Variants in TJP2 observed in about 807,000 individuals in gnomAD.
TJP2 encodes tight junction protein 2, also known as Friedreich ataxia region gene X104 (tight junction protein ZO-2).
Under a neutral mutation model 133.1 loss-of-function variants are expected in TJP2, and 91 were observed. The observed-to-expected ratio is 0.68, with a 90% CI of 0.58 to 0.81. The LOEUF (loss-of-function observed/expected upper bound fraction) is 0.81. TJP2 is among the 40% of genes least tolerant of loss of function. TJP2 has a pLI of 0.00. For synonymous variants in TJP2, 592 were observed against 583.4 expected, an observed-to-expected ratio of 1.01 and a Z score of -0.21; for missense variants, 1,541 against 1,565.6, an observed-to-expected ratio of 0.98 and a Z score of 0.26.
At chr9:69,205,230 C>T (rs1425473920) in intron 1 of TJP2, 1 of 1,537,098 alleles carries the variant, frequency 6.5e-7, no homozygotes, top group Non-Finnish European at 8.7e-7. Flanking sequence ...GATGGAAAGG[C>T]CGTGTGAGTC....
chr9:69,151,570 G>C, intron 1 of TJP2: 1 of 1,223,026 alleles, frequency 8.2e-7, no homozygotes, highest in Non-Finnish European at 1.0e-6. Context: ...TGTATGGTAT[G>C]TGGACTTCAG....
At chr9:69,237,366 C>A (rs532376258) in intron 14 of TJP2, among the ~76,000 whole-genome samples, 3 of 152,258 alleles carry the variant, frequency 2.0e-5, no homozygotes, top group South Asian at 2.1e-4. Flanking sequence ...TACCACTGTT[C>A]AAGAGTTTCG....
chr9:69,254,736 G>GT lies in TJP2; in HGVS notation c.*365dup, dbSNP rs1464027090. 1.7e-5 allele frequency: 9 copies of GT among 534,796 alleles called. No individual in the cohort carries two copies. The East Asian group carries it at 2.6e-4, about 15-fold the overall frequency. 33.1% of individuals were successfully genotyped at this position (534,796 alleles called of 1,614,324 possible). A position where few individuals can be genotyped will look rare whatever the true frequency, so the allele number is the denominator to read the frequency against. Reference sequence around the variant, plus strand: ...TCATTAATAGCTGCCTTCAAGGACTGTTTCAGTGTGAGTCAGAATGTGAAA... The same window carrying GT: ...TCATTAATAGCTGCCTTCAAGGACTGTTTTCAGTGTGAGTCAGAATGTGAAA... On this transcript the variant is annotated 3_prime_UTR_variant, in exon 23 of 23. Coordinates refer to ENST00000377245, the MANE Select transcript of TJP2 (RefSeq NM_004817.4).
intron 1 of TJP2, among the ~76,000 whole-genome samples, chr9:69,185,890 T>TC (rs1431107430): frequency 6.6e-6 from 1 of 151,372 alleles, no homozygotes; most frequent in Non-Finnish European, 1.5e-5. Flanking sequence ...CCTTTTTTTT[T>TC]TTTTTTCTTT....
intron 19 of TJP2, 99 bp from the exon 20 acceptor site, chr9:69,249,276 T>C: frequency 1.3e-6 from 2 of 1,541,160 alleles, no homozygotes; most frequent in Non-Finnish European, 1.8e-6. Context: ...CCTCAACTTC[T>C]GGACTTACTC....
chr9:69,205,011 A>G (rs2133152112), intron 1 of TJP2: 1 of 1,392,552 alleles, frequency 7.2e-7, no homozygotes, highest in Non-Finnish European at 9.3e-7. Flanking sequence ...CATCCCTGCC[A>G]TATGGATGTG....
chr9:69,202,144 T>TC (rs151068076), intron 1 of TJP2, among the ~76,000 whole-genome samples: 7,335 of 152,238 alleles, frequency 0.048, 276 homozygotes, highest in South Asian at 0.07. Flanking sequence ...AAGTTGAAGA[T>TC]CAAGGCAACA....
At chr9:69,146,671 C>T (rs1291948061) in intron 1 of TJP2, among the ~76,000 whole-genome samples, 1 of 152,072 alleles carries the variant, frequency 6.6e-6, no homozygotes, top group Non-Finnish European at 1.5e-5. Flanking sequence ...CAGTGGTTGT[C>T]AACGGGGAGG....
At chr9:69,218,405 T>G (rs1828553459) in intron 4 of TJP2, 46 bp downstream of exon 4, 1 of 1,485,278 alleles carries the variant, frequency 6.7e-7, no homozygotes, top group Admixed American at 1.7e-5. Context: ...GCATTTTGGT[T>G]TTTTGCCCAG....
chr9:69,249,259 C>T, intron 19 of TJP2, 116 bp from the exon 20 acceptor site: 1 of 1,529,650 alleles, frequency 6.5e-7, no homozygotes, highest in Admixed American at 2.0e-5. Flanking sequence ...GAAGCACCGG[C>T]TCAGAACCTC....
chr9:69,221,268 G>T lies in TJP2; in HGVS notation c.724G>T (p.Gly242Cys). Residue 242 changes from glycine to cysteine, a missense_variant, in exon 5 of 23, where the codon GGC (glycine) becomes TGC (cysteine). By Grantham distance (159) the Gly-to-Cys change is radical. Transcript: ENST00000377245. ...SRDRDRDRSR[G>C]RSIDQDYERA... The stretch of plus-strand genomic sequence containing the variant: ...GGACCGGGACCGTGACCGCAGCCGC[G>T]GCCGGAGCATTGACCAGGACTACGA... 1 of 1,608,412 alleles carries T rather than the reference G, an allele frequency of 6.2e-7. No individual in the cohort carries two copies. Among genetic ancestry groups the T allele is most frequent in the East Asian group, 2.2e-5 (1 of 44,602 alleles).
chr9:69,145,789 G>A (rs560848585), intron 1 of TJP2: 32 of 1,232,104 alleles, frequency 2.6e-5, no homozygotes, highest in African/African-American at 6.2e-5. Flanking sequence ...CCTGAGAGCA[G>A]AAGACACGTG....
Position 69,163,364 on chromosome 9 carries a change from G to A in TJP2, c.-10+11593G>A, listed in dbSNP as rs912369247. Among the ~76,000 whole-genome samples the A allele has an allele frequency of 6.6e-5, 10 of 152,078 alleles. No homozygotes were observed. In the East Asian group the frequency reaches 1.4e-3, roughly 21 times the overall value. ...TTTTAAAACATTTTTAGCTGAGTGCGGTGGCTCAGGCCTGTAATCCCTGCA... is the reference window on the plus strand; with the variant it reads ...TTTTAAAACATTTTTAGCTGAGTGCAGTGGCTCAGGCCTGTAATCCCTGCA... On this transcript the variant is annotated intron_variant, in intron 2 of 5. Transcript: ENST00000423935.
intron 2 of TJP2, among the ~76,000 whole-genome samples, chr9:69,164,260 A>G (rs886933897): frequency 6.6e-6 from 1 of 152,032 alleles, no homozygotes; most frequent in Admixed American, 6.6e-5. Context: ...CTTCAACTTT[A>G]ATCTGTGTTG....
intron 4 of TJP2, among the ~76,000 whole-genome samples, chr9:69,220,613 C>T (rs920098782): frequency 7.2e-5 from 11 of 152,164 alleles, no homozygotes; most frequent in African/African-American, 2.7e-4. Context: ...TGATTTGGGC[C>T]TCTGAGACTT....
At chr9:69,227,264 G>A (rs917007359) in intron 7 of TJP2, among the ~76,000 whole-genome samples, 6 of 152,128 alleles carry the variant, frequency 3.9e-5, no homozygotes, top group African/African-American at 1.2e-4. Context: ...CAGCATGTTA[G>A]GGGGTTTGCA....
At position 69,239,975 on chromosome 9, in the gene TJP2, G is replaced by A. The variant is rs1830472887; in HGVS notation, c.2394G>A (p.Val798=). Residue 798 remains valine, a synonymous_variant, in exon 17 of 23, where the codon GTG becomes GTA. Transcript: ENST00000377245. ...TACTGGATGTGACTCCGAAAGCTGT[G>A]GACCTGTTGAATTACACCCAGTGGT... ...HALLDVTPKA[V]DLLNYTQWFP... 2.5e-6 allele frequency: 4 copies of A among 1,613,990 alleles called. No homozygotes were observed. Among genetic ancestry groups the A allele is most frequent in the South Asian group, 1.1e-5 (1 of 91,084 alleles).
At chr9:69,133,546 C>CTTTTTTTTTTTTTTTTTT (rs10577570) in intron 1 of TJP2, among the ~76,000 whole-genome samples, 2 of 104,784 alleles carry the variant, frequency 1.9e-5, no homozygotes, top group Admixed American at 1.1e-4. Context: ...ATTTTTCTGG[C>CTTTTTTTTTTTTTTTTTT]TTTTTTTTTT....
chr9:69,227,139 A>T (rs968652789), intron 7 of TJP2, among the ~76,000 whole-genome samples: 1 of 151,668 alleles, frequency 6.6e-6, no homozygotes, highest in African/African-American at 2.4e-5. Flanking sequence ...TTTTTTTTTT[A>T]AAGGAATTTC....
Sources: gnomAD v4.1 joint callset for allele counts (sites outside exome capture counted in the v4.1 genomes callset) on GRCh38, gnomAD v4.1.1 for gene constraint, MANE v1.5 for transcripts, NCBI Gene and HGNC (gene_info 2026-07-23, HGNC 2026-07-21) for gene names.